SLC30A6: variants seen among roughly 807,000 people sequenced by gnomAD.
The protein encoded by SLC30A6 is solute carrier family 30 member 6.
In SLC30A6, 55 loss-of-function variants were observed where a neutral mutation model predicts 63.0. That is an observed-to-expected ratio of 0.87 (90% CI 0.70 to 1.09). The LOEUF (loss-of-function observed/expected upper bound fraction) is 1.09, where lower values mean the gene tolerates loss of function less well. SLC30A6 is among the 50% of genes least tolerant of loss of function. SLC30A6 has a pLI of 0.00. For synonymous variants in SLC30A6, 224 were observed against 186.1 expected, an observed-to-expected ratio of 1.20 and a Z score of -1.66; for missense variants, 587 against 549.2, an observed-to-expected ratio of 1.07 and a Z score of -0.69.
At position 32,203,566 on chromosome 2, in the gene SLC30A6, A is replaced by G. The variant is rs1363830290; in HGVS notation, c.666-1024A>G. The G allele has an allele frequency of 6.2e-6, 10 of 1,601,722 alleles. No individual in the cohort carries two copies. In the East Asian group the frequency reaches 1.8e-4, roughly 29 times the overall value. On this transcript the variant is annotated intron_variant, in intron 10 of 13. Transcript: ENST00000282587. ...TCACCTCTGATAGGGATTTGTGACC[A>G]TGACTCTGGAAAGCCTAGAGGAAAT...
intron 10 of SLC30A6, among the ~76,000 whole-genome samples, chr2:32,201,056 C>A (rs1449091524): frequency 2.6e-5 from 4 of 152,128 alleles, no homozygotes; most frequent in African/African-American, 9.7e-5. Context: ...CCAAATGTCA[C>A]CTTCTGGATT....
chr2:32,209,601 T>C lies in SLC30A6; in HGVS notation c.885+40T>C, dbSNP rs774065128. 1.5e-5 allele frequency: 22 copies of C among 1,474,876 alleles called. No homozygotes were observed. In the East Asian group the frequency reaches 3.9e-4, roughly 26 times the overall value. The allele number at this position is 1,474,876 out of a possible 1,614,324, so 91.4% of individuals were successfully genotyped here. On this transcript the variant is annotated intron_variant, in intron 13 of 13. Transcript: ENST00000282587. ...ATATGACTTTAGTTATAATTTAAAA[T>C]ATAGTCTTCCATTTTTAAAACTGAA...
Position 32,193,930 on chromosome 2 carries a change from A to C in SLC30A6, c.443A>C (p.Asn148Thr). ...GGTACTTTTGTGGCTCTTTGTTTCA[A>C]CCTGTTCACGATGCTTTCTATTCGG... ...LVGTFVALCF[N>T]LFTMLSIRNK... Residue 148 changes from asparagine to threonine, a missense_variant, in exon 8 of 14, where the codon AAC (asparagine) becomes ACC (threonine). Physicochemically the swap from Asn to Thr is moderately conservative, Grantham distance 65. Coordinates refer to ENST00000282587, the MANE Select transcript of SLC30A6 (RefSeq NM_017964.5). 1 of 1,613,534 alleles carries C rather than the reference A, an allele frequency of 6.2e-7. No individual in the cohort carries two copies.
At chr2:32,219,103 G>A (rs919582090) in intron 13 of SLC30A6, among the ~76,000 whole-genome samples, 6 of 151,498 alleles carry the variant, frequency 4.0e-5, no homozygotes, top group Non-Finnish European at 5.9e-5. Context: ...GCGTGATCTC[G>A]GCTCACTGCA....
At chr2:32,171,437 A>G (rs942442724) in intron 2 of SLC30A6, 64 bp downstream of exon 2, 5 of 1,329,104 alleles carry the variant, frequency 3.8e-6, no homozygotes, top group East Asian at 2.3e-5. Context: ...TTGAAGAAAG[A>G]TAATTTTTAA....
chr2:32,215,819 C>T (rs1252129930), intron 13 of SLC30A6, among the ~76,000 whole-genome samples: 1 of 151,996 alleles, frequency 6.6e-6, no homozygotes, highest in African/African-American at 2.4e-5. Context: ...GTCTTCCTGC[C>T]TCAGCCTTCC....
At chr2:32,200,886 A>T (rs778157271) in intron 10 of SLC30A6, among the ~76,000 whole-genome samples, 4 of 152,212 alleles carry the variant, frequency 2.6e-5, no homozygotes, top group African/African-American at 4.8e-5. Context: ...TAGTTGCAAA[A>T]ATTGAAGTTG....
rs1390453431 is a variant in SLC30A6 at position 32,223,600 on chromosome 2, C to T, written c.*2887C>T. On this transcript the variant is annotated 3_prime_UTR_variant, in exon 14 of 14. Transcript: ENST00000282587. ...GCCCAGAATTTTATCTAGTGACTAC[C>T]TCAACATACAGGCCAAGCGTTACCT... The T allele has an allele frequency of 1.3e-5, 2 of 152,174 alleles. No homozygotes were observed. Among genetic ancestry groups the T allele is most frequent in the Non-Finnish European group, 2.9e-5 (2 of 68,026 alleles). The allele number at this position is 152,174 out of a possible 1,614,324, so 9.4% of individuals were successfully genotyped here. A position where few individuals can be genotyped will look rare whatever the true frequency, so the allele number is the denominator to read the frequency against.
chr2:32,185,690 T>C (rs1682739129), intron 5 of SLC30A6, among the ~76,000 whole-genome samples: 2 of 151,962 alleles, frequency 1.3e-5, no homozygotes. Flanking sequence ...CAATCATAAA[T>C]CAAAATGAAT....
chr2:32,207,382 TTC>T (rs1425942886), intron 12 of SLC30A6, among the ~76,000 whole-genome samples: 1 of 151,580 alleles, frequency 6.6e-6, no homozygotes, highest in Admixed American at 6.6e-5. Flanking sequence ...AGCTAACTTT[TTC>T]TTTTTTTTTT....
At chr2:32,179,711 A>G (rs554762427) in intron 4 of SLC30A6, among the ~76,000 whole-genome samples, 1 of 152,270 alleles carries the variant, frequency 6.6e-6, no homozygotes, top group Non-Finnish European at 1.5e-5. Context: ...GTATGCTGCA[A>G]TTTGTATTAA....
At chr2:32,209,673 A>G (rs1449356505) in intron 13 of SLC30A6, 112 bp downstream of exon 13, 3 of 852,146 alleles carry the variant, frequency 3.5e-6, no homozygotes, top group Non-Finnish European at 5.4e-6. Flanking sequence ...ATTCCTAGTT[A>G]TGTTAAGCAG....
At chr2:32,203,384 G>A in intron 10 of SLC30A6, 1 of 1,076,710 alleles carries the variant, frequency 9.3e-7, no homozygotes, top group Non-Finnish European at 1.4e-6. Flanking sequence ...TAAAAGCACG[G>A]ATGCCATAAG....
chr2:32,199,666 A>G (rs534449372), intron 10 of SLC30A6, among the ~76,000 whole-genome samples: 1 of 152,174 alleles, frequency 6.6e-6, no homozygotes, highest in Admixed American at 6.5e-5. Flanking sequence ...CTATATTTTT[A>G]TATCCATTAA....
chr2:32,196,320 CAAAAA>C (rs946510943), intron 8 of SLC30A6, among the ~76,000 whole-genome samples: 1 of 143,066 alleles, frequency 7.0e-6, no homozygotes, highest in African/African-American at 2.6e-5. Context: ...CATCTCAAAA[CAAAAA>C]AAAAAGAAAA....
chr2:32,209,516 A>G lies in SLC30A6; in HGVS notation c.840A>G (p.Leu280=). The G allele has an allele frequency of 6.2e-7, 1 of 1,613,126 alleles. No homozygotes were observed. ...IREVSTLDGV[L]EVRNEHFWTL... ...AGGTATCTACCTTAGATGGAGTTTTAGAAGTCCGAAATGAACATTTTTGGA... is the reference window on the plus strand; with the variant it reads ...AGGTATCTACCTTAGATGGAGTTTTGGAAGTCCGAAATGAACATTTTTGGA... The change falls in exon 13 of 14, where the codon TTA becomes TTG. Residue 280 remains leucine (L), a synonymous_variant. Coordinates refer to ENST00000282587, the MANE Select transcript of SLC30A6 (RefSeq NM_017964.5).
At chr2:32,204,810 A>ATT in intron 11 of SLC30A6, 118 bp downstream of exon 11, 2 of 326,202 alleles carry the variant, frequency 6.1e-6, no homozygotes, top group Non-Finnish European at 9.6e-6. Flanking sequence ...TTTTAATTTT[A>ATT]ATTTTTTTTT....
At chr2:32,173,219 C>T (rs928124441) in intron 2 of SLC30A6, among the ~76,000 whole-genome samples, 4 of 152,142 alleles carry the variant, frequency 2.6e-5, no homozygotes, top group African/African-American at 4.8e-5. Flanking sequence ...TTCTCTTCTC[C>T]TCATCTTTAT....
chr2:32,195,919 A>G (rs535458378), intron 8 of SLC30A6, among the ~76,000 whole-genome samples: 1 of 152,192 alleles, frequency 6.6e-6, no homozygotes, highest in South Asian at 2.1e-4. Context: ...GCTTGGTAGC[A>G]TGTGCCTCTA....
Sources: gnomAD v4.1 joint callset for allele counts (sites outside exome capture counted in the v4.1 genomes callset) on GRCh38, gnomAD v4.1.1 for gene constraint, MANE v1.5 for transcripts, NCBI Gene and HGNC (gene_info 2026-07-23, HGNC 2026-07-21) for gene names.